Variants in SMYD3 observed in about 807,000 individuals in gnomAD.
SMYD3 encodes the protein histone-lysine N-methyltransferase SMYD3.
A neutral mutation model predicts 57.7 loss-of-function variants in SMYD3; 36 were observed. The observed-to-expected ratio is 0.62, with a 90% confidence interval of 0.48 to 0.82. The LOEUF is 0.82. Among genes scored for constraint, SMYD3 ranks in the 40% least tolerant of loss-of-function variants. The pLI is 0.00. For synonymous variants in SMYD3, 211 were observed against 195.0 expected (o/e 1.08, Z -0.68); for missense variants, 515 against 538.8 (o/e 0.96, Z 0.44).
At chr1:246,402,447 T>G (rs548795263) in intron 1 of SMYD3, among the ~76,000 whole-genome samples, 1 of 151,272 alleles carries the variant, frequency 6.6e-6, no homozygotes. Context: ...CCTCTATCCA[T>G]CAAACTAAAT....
chr1:246,254,295 T>A (rs1410705739), intron 5 of SMYD3, among the ~76,000 whole-genome samples: 2 of 152,178 alleles, frequency 1.3e-5, no homozygotes, highest in African/African-American at 2.4e-5. Context: ...CTTTTCCCCA[T>A]CTTGAGTTAA....
chr1:245,977,974 G>C (rs964054683), intron 5 of SMYD3, among the ~76,000 whole-genome samples: 21 of 152,166 alleles, frequency 1.4e-4, no homozygotes, highest in African/African-American at 5.1e-4. Flanking sequence ...GAAGCATATG[G>C]AGGCTAAGCC....
intron 10 of SMYD3, among the ~76,000 whole-genome samples, chr1:245,841,175 G>A (rs1360525936): frequency 2.6e-5 from 4 of 152,172 alleles, no homozygotes; most frequent in African/African-American, 9.7e-5. Context: ...TTAATTTGCC[G>A]ATGTTACTAA....
chr1:246,217,657 A>G (rs1404677409), intron 5 of SMYD3, among the ~76,000 whole-genome samples: 1 of 152,184 alleles, frequency 6.6e-6, no homozygotes, highest in Non-Finnish European at 1.5e-5. Flanking sequence ...TATGTTTAAG[A>G]TGTTTAAAGG....
chr1:246,305,874 T>C (rs1345443465), intron 5 of SMYD3: 2 of 152,226 alleles, frequency 1.3e-5, no homozygotes, highest in African/African-American at 2.4e-5. Context: ...TGATGTCTAA[T>C]GGCAGCGTTC....
chr1:245,913,525 AAGAAAAC>A (rs1288840292), intron 8 of SMYD3, among the ~76,000 whole-genome samples: 1 of 151,660 alleles, frequency 6.6e-6, no homozygotes, highest in Non-Finnish European at 1.5e-5. Flanking sequence ...AAAAAAAAAA[AAGAAAAC>A]ATAGGGGAAA....
At chr1:246,215,591 T>C (rs2063151802) in intron 5 of SMYD3, among the ~76,000 whole-genome samples, 1 of 152,158 alleles carries the variant, frequency 6.6e-6, no homozygotes. Flanking sequence ...TATTTATCCA[T>C]CTGCCTTCTC....
rs74473329 is a variant in SMYD3 at position 246,304,376 on chromosome 1, G to C, written c.531+22825C>G. ...AAATTTATTTCAGTTTAAAAAACTA[G>C]TTCAAAGCACATTGTAAAAATAATA... is the stretch of plus-strand genomic sequence containing the variant. On this transcript the variant is annotated intron_variant, in intron 5 of 11. Coordinates refer to ENST00000490107, the MANE Select transcript of SMYD3 (RefSeq NM_001167740.2). 6.6e-3 allele frequency among the ~76,000 whole-genome samples: 1,001 copies of C among 152,222 alleles called. 2 individuals carry two copies. Among genetic ancestry groups the C allele is most frequent in the South Asian group, 9.3e-3 (45 of 4,820 alleles).
intron 1 of SMYD3, among the ~76,000 whole-genome samples, chr1:246,469,960 AACAACACAGTATCAC>A (rs2067935244): frequency 1.3e-5 from 2 of 152,210 alleles, no homozygotes; most frequent in Non-Finnish European, 2.9e-5. Flanking sequence ...ATATCCTCAG[AACAACACAGTATCAC>A]ACATACACTA....
At chr1:245,932,221 G>C (rs529472028) in intron 5 of SMYD3, among the ~76,000 whole-genome samples, 1 of 152,128 alleles carries the variant, frequency 6.6e-6, no homozygotes, top group Non-Finnish European at 1.5e-5. Context: ...TTTTTTCCTG[G>C]ACTATGAAGC....
intron 11 of SMYD3, among the ~76,000 whole-genome samples, chr1:245,763,336 G>T (rs1024365824): frequency 1.3e-5 from 2 of 152,124 alleles, no homozygotes; most frequent in Non-Finnish European, 2.9e-5. Flanking sequence ...GGTGGTCATC[G>T]GGTATGCCTA....
At chr1:246,232,952 A>G (rs1479468773) in intron 5 of SMYD3, among the ~76,000 whole-genome samples, 20 of 128,160 alleles carry the variant, frequency 1.6e-4, no homozygotes, top group Admixed American at 2.5e-4. Flanking sequence ...GAGGAGAAGC[A>G]CTCCTCAATT....
chr1:246,174,781 G>A (rs2062405337), intron 5 of SMYD3, among the ~76,000 whole-genome samples: 1 of 152,172 alleles, frequency 6.6e-6, no homozygotes, highest in Non-Finnish European at 1.5e-5. Flanking sequence ...TTCCAGGAGA[G>A]TGGAGTCTCA....
At chr1:246,266,435 G>GA (rs142337719) in intron 5 of SMYD3, among the ~76,000 whole-genome samples, 38,899 of 151,866 alleles carry the variant, frequency 0.26, 5,699 homozygotes, top group East Asian at 0.59. Context: ...ATTGAGTATA[G>GA]AATGTTTTGG....
intron 5 of SMYD3, among the ~76,000 whole-genome samples, chr1:245,972,217 C>T (rs931717092): frequency 2.0e-5 from 3 of 152,188 alleles, no homozygotes; most frequent in Non-Finnish European, 4.4e-5. Context: ...TATTTTCATT[C>T]GGATACCAAG....
chr1:246,224,457 G>A (rs1002922509), intron 5 of SMYD3, among the ~76,000 whole-genome samples: 2 of 152,052 alleles, frequency 1.3e-5, no homozygotes, highest in Admixed American at 1.3e-4. Context: ...ACATCAGAGA[G>A]GAAACCCAGG....
intron 5 of SMYD3, among the ~76,000 whole-genome samples, chr1:246,168,765 G>A (rs983198834): frequency 2.0e-5 from 3 of 152,084 alleles, no homozygotes; most frequent in South Asian, 4.2e-4. Flanking sequence ...CCACCTGCTT[G>A]GGTCTAAAAG....
chr1:246,452,316 G>A (rs1392430803), intron 1 of SMYD3, among the ~76,000 whole-genome samples: 2 of 152,084 alleles, frequency 1.3e-5, no homozygotes, highest in African/African-American at 4.8e-5. Flanking sequence ...GACCAGCTTG[G>A]CCAACATGGC....
At chr1:246,080,225 G>A (rs2060615670) in intron 5 of SMYD3, among the ~76,000 whole-genome samples, 1 of 130,816 alleles carries the variant, frequency 7.6e-6, no homozygotes, top group Non-Finnish European at 1.7e-5. Flanking sequence ...CACGGCAGGA[G>A]GCGAGTGGCG....
Sources: gnomAD v4.1 joint callset for allele counts (sites outside exome capture counted in the v4.1 genomes callset) on GRCh38, gnomAD v4.1.1 for gene constraint, MANE v1.5 for transcripts, NCBI Gene and HGNC (gene_info 2026-07-23, HGNC 2026-07-21) for gene names.